Variants in LRCH2 observed in about 807,000 individuals in gnomAD.
LRCH2 encodes leucine-rich repeat and calponin homology domain-containing protein 2.
A neutral mutation model predicts 68.9 loss-of-function variants in LRCH2; 38 were observed. The ratio of observed to expected loss-of-function variants is 0.55; its 90% CI spans 0.43 to 0.72. The LOEUF is 0.72. Ranked by LOEUF, LRCH2 falls within the 30% of genes least tolerant of loss-of-function variation. The probability of loss-of-function intolerance (pLI) is 0.00; values close to 1 mark genes in which losing one functional copy is unlikely to be tolerated. For synonymous variants in LRCH2, 191 were observed against 208.1 expected, an observed-to-expected ratio of 0.92 and a Z score of 0.71; for missense variants, 528 against 572.9, an observed-to-expected ratio of 0.92 and a Z score of 0.80.
chrX:115,171,420 T>C (rs2072603897), intron 5 of LRCH2, among the ~76,000 whole-genome samples: 1 of 111,161 alleles, frequency 9.0e-6, no homozygotes, highest in South Asian at 3.7e-4. Context: ...ATCATTGATT[T>C]TTCTATTAAT....
chrX:115,214,569 G>A (rs1278336825), intron 1 of LRCH2, among the ~76,000 whole-genome samples: 2 of 111,734 alleles, frequency 1.8e-5, no homozygotes, highest in Non-Finnish European at 3.8e-5. Context: ...AAGTGCAGCA[G>A]AGAGAAAAAA....
chrX:115,232,388 A>G (rs2073158764), intron 1 of LRCH2, among the ~76,000 whole-genome samples: 1 of 112,115 alleles, frequency 8.9e-6, no homozygotes, highest in South Asian at 3.7e-4. Flanking sequence ...ATATGTGAAC[A>G]TATTATTTAG....
intron 1 of LRCH2, among the ~76,000 whole-genome samples, chrX:115,194,513 C>G (rs2072873054): frequency 9.0e-6 from 1 of 111,666 alleles, no homozygotes; most frequent in Admixed American, 9.5e-5. Context: ...AATTTGAAAT[C>G]CTAAAAACAA....
chrX:115,113,246 T>G lies in LRCH2; in HGVS notation c.2268A>C (p.Thr756=). The change falls in exon 21 of 21, where the codon ACA becomes ACC. Residue 756 remains threonine, a synonymous_variant. Coordinates refer to ENST00000317135, the MANE Select transcript of LRCH2 (RefSeq NM_020871.4). ...CCACAGAAAGCTGAGATGCCTTGGT[T>G]GTTGGTAATTCAAGGAGCGCCTGAA... is the stretch of plus-strand genomic sequence containing the variant. ...VTVQALLELP[T]TKASQLSVA The G allele has an allele frequency of 8.3e-7, 1 of 1,198,354 alleles. No individual in the cohort carries two copies.
intron 1 of LRCH2, among the ~76,000 whole-genome samples, chrX:115,219,225 T>G (rs1234806789): frequency 8.9e-6 from 1 of 111,734 alleles, no homozygotes; most frequent in East Asian, 2.8e-4. Context: ...AATTGCTTTA[T>G]CTTTGATTTA....
At chrX:115,215,956 A>T (rs1235591880) in intron 1 of LRCH2, among the ~76,000 whole-genome samples, 22 of 111,255 alleles carry the variant, frequency 2.0e-4, no homozygotes, top group Non-Finnish European at 9.4e-5. Context: ...AACTGTTCAT[A>T]ATAATTGATC....
chrX:115,161,413 A>G (rs2072518327), intron 11 of LRCH2, among the ~76,000 whole-genome samples: 1 of 111,763 alleles, frequency 8.9e-6, no homozygotes, highest in Non-Finnish European at 1.9e-5. Flanking sequence ...GTCTGAAAAA[A>G]TTAGACATAC....
chrX:115,218,303 T>C (rs2073055257), intron 1 of LRCH2, among the ~76,000 whole-genome samples: 1 of 112,198 alleles, frequency 8.9e-6, no homozygotes, highest in Non-Finnish European at 1.9e-5. Flanking sequence ...TACATCAGAA[T>C]TGATGATGTT....
chrX:115,220,864 A>T (rs1273374132), intron 1 of LRCH2, among the ~76,000 whole-genome samples: 1 of 111,050 alleles, frequency 9.0e-6, no homozygotes, highest in Non-Finnish European at 1.9e-5. Context: ...ACTCTAAAAT[A>T]AAAACATATC....
At chrX:115,169,313 A>G (rs1237221836) in intron 6 of LRCH2, among the ~76,000 whole-genome samples, 2 of 112,106 alleles carry the variant, frequency 1.8e-5, no homozygotes, top group Non-Finnish European at 3.8e-5. Context: ...TATTTGTAAA[A>G]TAAATGACTA....
chrX:115,224,213 T>C (rs1373008882), intron 1 of LRCH2, among the ~76,000 whole-genome samples: 7 of 110,988 alleles, frequency 6.3e-5, no homozygotes, highest in Admixed American at 2.9e-4. Context: ...GTTTGATTGG[T>C]TGGGGAGGAG....
intron 1 of LRCH2, among the ~76,000 whole-genome samples, chrX:115,207,719 T>A (rs1206065950): frequency 8.9e-6 from 1 of 111,922 alleles, no homozygotes; most frequent in Non-Finnish European, 1.9e-5. Context: ...GTATTTATCT[T>A]CCTGTTGTAG....
At chrX:115,169,566 A>G (rs1311657500) in intron 6 of LRCH2, among the ~76,000 whole-genome samples, 6 of 111,738 alleles carry the variant, frequency 5.4e-5, no homozygotes, top group Non-Finnish European at 7.5e-5. Flanking sequence ...GCTGTTAACA[A>G]TAGTACTTAC....
chrX:115,217,618 C>T (rs1341754734), intron 1 of LRCH2, among the ~76,000 whole-genome samples: 2 of 111,998 alleles, frequency 1.8e-5, no homozygotes, highest in Admixed American at 1.9e-4. Flanking sequence ...TTTCTTTATC[C>T]AATCTATCAC....
chrX:115,224,425 G>C (rs1474557242), intron 1 of LRCH2, among the ~76,000 whole-genome samples: 1 of 111,472 alleles, frequency 9.0e-6, no homozygotes, highest in African/African-American at 3.3e-5. Flanking sequence ...GCTCACCCCT[G>C]TAATCCCAGC....
Position 115,155,999 on chromosome X carries a change from T to A in LRCH2, c.1529+603A>T, listed in dbSNP as rs951390052. 2.7e-5 allele frequency among the ~76,000 whole-genome samples: 3 copies of A among 111,460 alleles called. No individual in the cohort carries two copies. The Admixed American group carries it at 2.9e-4, about 11-fold the overall frequency. ...TGTTTCAGAATTATCACTCTTCCAT[T>A]GTGCAGAAGACAGACTTAAAGCTAG... On this transcript the variant is annotated intron_variant, in intron 12 of 20. Coordinates refer to ENST00000317135, the MANE Select transcript of LRCH2 (RefSeq NM_020871.4).
At chrX:115,191,063 A>C in intron 1 of LRCH2, 2 of 1,162,602 alleles carry the variant, frequency 1.7e-6, no homozygotes, top group Middle Eastern at 2.3e-4. Flanking sequence ...AGCAACAGTT[A>C]CGGCCAGAGC....
chrX:115,158,370 G>A (rs782350256), intron 11 of LRCH2, among the ~76,000 whole-genome samples: 86 of 111,732 alleles, frequency 7.7e-4, no homozygotes, highest in Non-Finnish European at 2.3e-4. Flanking sequence ...AGAAACAAAA[G>A]AATACATAGA....
rs1169232544 is a variant in LRCH2, at chrX:115,177,689, A to G, written c.864+1738T>C. Among the ~76,000 whole-genome samples, 5 of 111,299 alleles carry G rather than the reference A, an allele frequency of 4.5e-5. No individual in the cohort carries two copies. In the East Asian group the frequency reaches 1.4e-3, roughly 32 times the overall value. On this transcript the variant is annotated intron_variant, in intron 5 of 20. Transcript: ENST00000317135. ...TGTGCAAAATGTGCAGGTTTGTTAC[A>G]CAGGTATACATGTGCCATGGTGGTT...
Sources: gnomAD v4.1 joint callset for allele counts (sites outside exome capture counted in the v4.1 genomes callset) on GRCh38, gnomAD v4.1.1 for gene constraint, MANE v1.5 for transcripts, NCBI Gene and HGNC (gene_info 2026-07-23, HGNC 2026-07-21) for gene names.